Variants in HS2ST1 observed in about 807,000 individuals in gnomAD.
The protein encoded by HS2ST1 is heparan sulfate 2-O-sulfotransferase 1, also known as 2-O-sulfotransferase.
In HS2ST1, 18 loss-of-function variants were observed where a neutral mutation model predicts 42.9. The observed-to-expected ratio is 0.42, with a 90% CI of 0.29 to 0.62. The LOEUF (loss-of-function observed/expected upper bound fraction) is 0.62. Ranked by LOEUF, HS2ST1 falls within the 20% of genes least tolerant of loss-of-function variation. The pLI is 0.21. For synonymous variants in HS2ST1, 146 were observed against 152.9 expected (o/e 0.95, Z 0.33); for missense variants, 334 against 433.8 (o/e 0.77, Z 2.04).
At chr1:87,057,509 A>T (rs1221648536) in intron 1 of HS2ST1, among the ~76,000 whole-genome samples, 1 of 150,774 alleles carries the variant, frequency 6.6e-6, no homozygotes, top group Non-Finnish European at 1.5e-5. Context: ...GCCTCCAAGG[A>T]CTTTGCTCAT....
intron 3 of HS2ST1, among the ~76,000 whole-genome samples, chr1:87,086,061 A>G (rs958631121): frequency 3.9e-5 from 6 of 152,168 alleles, no homozygotes; most frequent in Admixed American, 2.6e-4. Context: ...TGATGTATCT[A>G]TGTAATCAAG....
Position 86,914,981 on chromosome 1 carries a change from C to G in HS2ST1, c.-56C>G. The G allele has an allele frequency of 6.2e-7, 1 of 1,608,376 alleles. No homozygotes were observed. Among genetic ancestry groups the G allele is most frequent in the Non-Finnish European group, 8.5e-7 (1 of 1,178,156 alleles). On this transcript the variant is annotated 5_prime_UTR_variant, in exon 1 of 7. Transcript: ENST00000370550. ...GCTCCTCCCGGCGTCTCTCTCGCCT[C>G]CGGGGTCCCGCTCCCCGCCCCCCGC...
rs1651457732 is a variant in HS2ST1 at position 87,073,077 on chromosome 1, A to G, written c.268A>G (p.Thr90Ala). 4 of 1,613,960 alleles carry G rather than the reference A, an allele frequency of 2.5e-6. No individual in the cohort carries two copies. The highest frequency in any genetic ancestry group is 1.7e-5 in the Admixed American group (1 of 60,002). Residue 90 changes from threonine (T) to alanine (A), a missense_variant, in exon 2 of 7, where the codon ACC (threonine) becomes GCC (alanine). Transcript: ENST00000370550. The stretch of plus-strand genomic sequence containing the variant: ...TCCCAAAACGGCAAGCACTTCATTT[A>G]CCAATATCGCCTATGACCTGTGTGC... ...RVPKTASTSF[T>A]NIAYDLCAKN...
chr1:87,104,846 T>A lies in HS2ST1; in HGVS notation c.*150T>A. ...GAAACAGACAGTAACGTCAAGGAAG[T>A]AGATACTGGCTGGCATTGTCAGTGT... On this transcript the variant is annotated 3_prime_UTR_variant, in exon 7 of 7. Transcript: ENST00000370550. The A allele has an allele frequency of 1.7e-6, 1 of 580,464 alleles. No homozygotes were observed. The highest frequency in any genetic ancestry group is 2.3e-5 in the South Asian group (1 of 43,716). The allele number at this position is 580,464 out of a possible 1,614,324, so 36.0% of individuals were successfully genotyped here.
intron 1 of HS2ST1, among the ~76,000 whole-genome samples, chr1:87,059,420 G>A (rs768135860): frequency 2.6e-5 from 4 of 152,140 alleles, no homozygotes; most frequent in Non-Finnish European, 5.9e-5. Flanking sequence ...ATTTGTTACA[G>A]TGGCATTTGT....
intron 1 of HS2ST1, among the ~76,000 whole-genome samples, chr1:86,975,617 G>A (rs1355135634): frequency 1.3e-5 from 2 of 152,154 alleles, no homozygotes; most frequent in East Asian, 1.9e-4. Flanking sequence ...TATCAAGATG[G>A]CATTAAACTG....
At chr1:87,096,915 C>G (rs929247494) in intron 4 of HS2ST1, among the ~76,000 whole-genome samples, 1 of 152,176 alleles carries the variant, frequency 6.6e-6, no homozygotes, top group Non-Finnish European at 1.5e-5. Flanking sequence ...CTTATTTCTT[C>G]TTATGAGCTA....
At chr1:86,995,996 G>C (rs765503105) in intron 1 of HS2ST1, among the ~76,000 whole-genome samples, 2 of 151,994 alleles carry the variant, frequency 1.3e-5, no homozygotes, top group Non-Finnish European at 2.9e-5. Flanking sequence ...CAACATATTG[G>C]ATAAAATATA....
intron 1 of HS2ST1, among the ~76,000 whole-genome samples, chr1:86,976,497 A>G (rs1648403354): frequency 6.6e-6 from 1 of 151,972 alleles, no homozygotes; most frequent in Non-Finnish European, 1.5e-5. Flanking sequence ...TATAATTAGA[A>G]TTGATTTTTT....
intron 1 of HS2ST1, among the ~76,000 whole-genome samples, chr1:86,973,312 C>T (rs1030838288): frequency 1.3e-5 from 2 of 149,898 alleles, no homozygotes; most frequent in Non-Finnish European, 3.0e-5. Context: ...AAGTTTAGAT[C>T]AGTTTCCTTA....
intron 1 of HS2ST1, among the ~76,000 whole-genome samples, chr1:87,054,502 C>T (rs542854832): frequency 6.6e-6 from 1 of 152,178 alleles, no homozygotes; most frequent in South Asian, 2.1e-4. Flanking sequence ...AGAAAGTTCT[C>T]TTATGTCCTC....
intron 1 of HS2ST1, among the ~76,000 whole-genome samples, chr1:87,022,080 G>A (rs1649967821): frequency 1.3e-5 from 2 of 152,104 alleles, no homozygotes; most frequent in Non-Finnish European, 2.9e-5. Context: ...AGGAAAATTA[G>A]TAGAATGGGT....
At chr1:86,976,347 T>A (rs1648398673) in intron 1 of HS2ST1, among the ~76,000 whole-genome samples, 1 of 152,156 alleles carries the variant, frequency 6.6e-6, no homozygotes, top group Admixed American at 6.5e-5. Flanking sequence ...ATCGAAGTGA[T>A]CTGTCTGGCT....
chr1:86,969,779 G>A (rs1422378642), intron 1 of HS2ST1, among the ~76,000 whole-genome samples: 1 of 151,746 alleles, frequency 6.6e-6, no homozygotes, highest in African/African-American at 2.4e-5. Context: ...TTTACTTTTA[G>A]CAGTAACTTG....
At position 87,032,398 on chromosome 1, in the gene HS2ST1, G is replaced by A. The variant is rs149049501; in HGVS notation, c.125-40536G>A. On this transcript the variant is annotated intron_variant, in intron 1 of 6. Transcript: ENST00000370550. ...TTCCCAGCCTTGTATAACTTTATTTGTTAAAGGACGAAAAAGAGACCTGAA... is the reference window on the plus strand; with the variant it reads ...TTCCCAGCCTTGTATAACTTTATTTATTAAAGGACGAAAAAGAGACCTGAA... 1.4e-3 allele frequency among the ~76,000 whole-genome samples: 211 copies of A among 152,150 alleles called. 1 individual carries two copies. The highest frequency in any genetic ancestry group is 0.01 in the Admixed American group (159 of 15,280).
intron 1 of HS2ST1, among the ~76,000 whole-genome samples, chr1:86,920,437 A>G (rs182403448): frequency 8.5e-5 from 13 of 152,284 alleles, no homozygotes; most frequent in Non-Finnish European, 1.6e-4. Context: ...AAAACCTCAT[A>G]GTAGCTACTG....
intron 1 of HS2ST1, among the ~76,000 whole-genome samples, chr1:87,020,105 T>A (rs931250534): frequency 6.6e-6 from 1 of 152,232 alleles, no homozygotes; most frequent in Non-Finnish European, 1.5e-5. Context: ...TTGGCCTTTT[T>A]ATTACGTGAC....
intron 1 of HS2ST1, among the ~76,000 whole-genome samples, chr1:87,002,624 G>T (rs982290669): frequency 2.0e-5 from 3 of 147,274 alleles, no homozygotes; most frequent in Admixed American, 6.7e-5. Context: ...AAAAAAAAAA[G>T]AAAAAGAAAA....
intron 1 of HS2ST1, among the ~76,000 whole-genome samples, chr1:86,963,744 GCCCC>G (rs370405012): frequency 3.1e-5 from 4 of 127,208 alleles, no homozygotes; most frequent in Non-Finnish European, 6.7e-5. Flanking sequence ...AGGCAGAGGC[GCCCC>G]CCCCCCCACC....
Sources: gnomAD v4.1 joint callset for allele counts (sites outside exome capture counted in the v4.1 genomes callset) on GRCh38, gnomAD v4.1.1 for gene constraint, MANE v1.5 for transcripts, NCBI Gene and HGNC (gene_info 2026-07-23, HGNC 2026-07-21) for gene names.